SOX5: variants seen among roughly 807,000 people sequenced by gnomAD.
SOX5 encodes the protein transcription factor SOX-5.
A neutral mutation model predicts 92.0 loss-of-function variants in SOX5; 9 were observed. That is an observed-to-expected ratio of 0.10 (90% CI 0.06 to 0.17). The LOEUF is 0.17. Ranked by LOEUF, SOX5 falls within the 10% of genes least tolerant of loss-of-function variation. The probability of loss-of-function intolerance (pLI) is 1.00; values close to 1 mark genes in which losing one functional copy is unlikely to be tolerated. For missense variants in SOX5, 642 were observed against 944.5 expected, an observed-to-expected ratio of 0.68 and a Z score of 4.20; for synonymous variants, 344 against 336.3, an observed-to-expected ratio of 1.02 and a Z score of -0.25.
At chr12:24,133,279 G>A (rs937207828) in intron 4 of SOX5, among the ~76,000 whole-genome samples, 1 of 152,146 alleles carries the variant, frequency 6.6e-6, no homozygotes, top group African/African-American at 2.4e-5. Context: ...AGTCATGAAG[G>A]AAAGTCTGGA....
At chr12:24,003,557 T>C (rs1052554812) in intron 4 of SOX5, among the ~76,000 whole-genome samples, 4 of 151,910 alleles carry the variant, frequency 2.6e-5, no homozygotes, top group African/African-American at 7.2e-5. Flanking sequence ...TCATTAACAA[T>C]TGCATCAAAA....
At chr12:24,215,720 G>A (rs1378688616) in intron 3 of SOX5, among the ~76,000 whole-genome samples, 1 of 151,668 alleles carries the variant, frequency 6.6e-6, no homozygotes, top group Non-Finnish European at 1.5e-5. Flanking sequence ...AATCCCAGTT[G>A]GCTTTTTTAC....
At chr12:24,010,232 G>A (rs1443644476) in intron 4 of SOX5, among the ~76,000 whole-genome samples, 1 of 152,084 alleles carries the variant, frequency 6.6e-6, no homozygotes, top group Non-Finnish European at 1.5e-5. Context: ...GACCTTTCTT[G>A]CTACTAGAAT....
intron 4 of SOX5, among the ~76,000 whole-genome samples, chr12:24,047,240 G>A (rs1248192653): frequency 1.3e-5 from 2 of 152,166 alleles, no homozygotes; most frequent in African/African-American, 4.8e-5. Flanking sequence ...GAGGCAGGGA[G>A]AAAACTGGCT....
At chr12:24,484,672 T>C (rs995927317) in intron 1 of SOX5, among the ~76,000 whole-genome samples, 4 of 152,216 alleles carry the variant, frequency 2.6e-5, no homozygotes, top group East Asian at 3.8e-4. Flanking sequence ...ATTAACATTA[T>C]GTATGCATCG....
chr12:24,507,398 C>T (rs1271594236), intron 1 of SOX5, among the ~76,000 whole-genome samples: 1 of 151,154 alleles, frequency 6.6e-6, no homozygotes, highest in Admixed American at 6.6e-5. Context: ...GATAGAGAAA[C>T]AAGTTAAATG....
intron 7 of SOX5, among the ~76,000 whole-genome samples, chr12:23,652,721 T>A (rs931307690): frequency 6.6e-6 from 1 of 152,008 alleles, no homozygotes; most frequent in Non-Finnish European, 1.5e-5. Flanking sequence ...CCACGGCCAA[T>A]AAATCATGAA....
At chr12:24,302,059 CT>C (rs200712903) in intron 2 of SOX5, among the ~76,000 whole-genome samples, 1,866 of 152,132 alleles carry the variant, frequency 0.012, 12 homozygotes, top group African/African-American at 0.028. Context: ...CTAAGTTTCT[CT>C]TGGTTACTTC....
intron 2 of SOX5, among the ~76,000 whole-genome samples, chr12:24,281,653 G>A (rs1183406240): frequency 2.6e-5 from 4 of 152,224 alleles, no homozygotes; most frequent in African/African-American, 9.6e-5. Flanking sequence ...AAACAAAAGA[G>A]CACAATAAAC....
intron 1 of SOX5, among the ~76,000 whole-genome samples, chr12:24,442,761 C>T (rs1411725450): frequency 2.0e-5 from 3 of 152,148 alleles, no homozygotes; most frequent in East Asian, 1.9e-4. Flanking sequence ...AGAGATAGGG[C>T]AGTTCATAAT....
intron 4 of SOX5, among the ~76,000 whole-genome samples, chr12:24,118,018 C>CAAAAAAAAAAAAA: frequency 2.4e-5 from 1 of 41,814 alleles, no homozygotes; most frequent in South Asian, 8.6e-4. Context: ...GACTCTCATT[C>CAAAAAAAAAAAAA]AAAAAAAAAA....
intron 2 of SOX5, among the ~76,000 whole-genome samples, chr12:23,890,109 C>T (rs1401511596): frequency 2.0e-5 from 3 of 152,134 alleles, no homozygotes; most frequent in Non-Finnish European, 1.5e-5. Context: ...TACCTGAGGT[C>T]AGGAGTTCGA....
intron 4 of SOX5, chr12:24,212,509 G>A (rs899555895): frequency 1.9e-6 from 1 of 531,434 alleles, no homozygotes; most frequent in Non-Finnish European, 3.9e-6. Flanking sequence ...GGGGTTACAA[G>A]GAAGGAAGGA....
rs981718481 is a variant in SOX5 at position 24,002,391 on chromosome 12, G to A, written c.-1-106367C>T. 2.6e-5 allele frequency among the ~76,000 whole-genome samples: 4 copies of A among 152,034 alleles called. No individual in the cohort carries two copies. The East Asian group carries it at 7.7e-4, about 29-fold the overall frequency. ...GGATGAAAGGAGAAACATCACTACT[G>A]ACCTTATAGAAATACAAAGATGTAT... On this transcript the variant is annotated intron_variant, in intron 4 of 4. Transcript: ENST00000446891.
intron 4 of SOX5, among the ~76,000 whole-genome samples, chr12:24,013,000 C>T (rs1953136057): frequency 2.0e-5 from 3 of 152,146 alleles, no homozygotes; most frequent in Admixed American, 2.0e-4. Context: ...AAGATTAATA[C>T]ATTTGTGGTT....
chr12:24,341,240 G>T (rs983421631), intron 2 of SOX5, among the ~76,000 whole-genome samples: 1 of 152,170 alleles, frequency 6.6e-6, no homozygotes, highest in Non-Finnish European at 1.5e-5. Context: ...ACCTTGAGAG[G>T]CTGAGGCAGG....
intron 4 of SOX5, among the ~76,000 whole-genome samples, chr12:24,066,196 T>A (rs954121569): frequency 2.0e-5 from 3 of 152,240 alleles, no homozygotes; most frequent in African/African-American, 7.2e-5. Flanking sequence ...CTCTTAATTA[T>A]CAGTTGATAT....
At chr12:23,945,160 TTAGGAG>T (rs1944345056) in intron 1 of SOX5, among the ~76,000 whole-genome samples, 1 of 152,140 alleles carries the variant, frequency 6.6e-6, no homozygotes, top group Admixed American at 6.6e-5. Flanking sequence ...TCTAAATGCA[TTAGGAG>T]TATAATCCAT....
intron 2 of SOX5, among the ~76,000 whole-genome samples, chr12:24,309,013 T>A (rs1032676198): frequency 2.6e-5 from 4 of 152,206 alleles, no homozygotes; most frequent in African/African-American, 9.6e-5. Flanking sequence ...TGAAAAGCAA[T>A]GCTGTTAATA....
Sources: gnomAD v4.1 joint callset for allele counts (sites outside exome capture counted in the v4.1 genomes callset) on GRCh38, gnomAD v4.1.1 for gene constraint, MANE v1.5 for transcripts, NCBI Gene and HGNC (gene_info 2026-07-23, HGNC 2026-07-21) for gene names.